Variants in UST observed in about 807,000 individuals in gnomAD.
The protein encoded by UST is chondroitin sulfate 2-O-sulfotransferase.
In UST, 21 loss-of-function variants were observed where a neutral mutation model predicts 45.6. The ratio of observed to expected loss-of-function variants is 0.46; its 90% CI spans 0.33 to 0.66. The LOEUF (loss-of-function observed/expected upper bound fraction) is 0.66. Among genes scored for constraint, UST ranks in the 30% least tolerant of loss-of-function variants. UST has a pLI of 0.02. For missense variants in UST, 463 were observed against 512.4 expected (o/e 0.90, Z 0.93); for synonymous variants, 215 against 200.6 (o/e 1.07, Z -0.61).
chr6:149,068,527 A>G (rs2115045633), intron 7 of UST, among the ~76,000 whole-genome samples: 1 of 152,350 alleles, frequency 6.6e-6, no homozygotes, highest in South Asian at 2.1e-4. Context: ...GACTGTCACC[A>G]TCTCGCACCA....
intron 1 of UST, among the ~76,000 whole-genome samples, chr6:148,864,372 G>C (rs2114805172): frequency 6.6e-6 from 1 of 152,356 alleles, no homozygotes; most frequent in Non-Finnish European, 1.5e-5. Context: ...ATTAGGGTGG[G>C]AGTGACCTGA....
At chr6:148,923,721 A>G (rs1364793461) in intron 2 of UST, among the ~76,000 whole-genome samples, 7 of 152,208 alleles carry the variant, frequency 4.6e-5, no homozygotes, top group Admixed American at 4.6e-4. Context: ...CACCTGACCC[A>G]GGATGAGGGA....
Position 148,815,092 on chromosome 6 carries a change from T to C in UST, c.247+67415T>C, listed in dbSNP as rs976970881. On this transcript the variant is annotated intron_variant, in intron 1 of 7. Coordinates refer to ENST00000367463, the MANE Select transcript of UST (RefSeq NM_005715.3). Reference sequence around the variant, plus strand: ...CACACAATGGAATACTATGCAGCTATAAACAAGATGCACCAATATGGAATG... The same window carrying C: ...CACACAATGGAATACTATGCAGCTACAAACAAGATGCACCAATATGGAATG... 1.7e-4 allele frequency among the ~76,000 whole-genome samples: 26 copies of C among 152,228 alleles called. 4 individuals carry two copies. The highest frequency in any genetic ancestry group is 1.5e-3 in the Admixed American group (23 of 15,288).
intron 3 of UST, 92 bp from the exon 4 acceptor site, chr6:148,953,771 CAAAAAAAAA>C: frequency 3.8e-6 from 1 of 261,884 alleles, no homozygotes; most frequent in Non-Finnish European, 6.1e-6. Flanking sequence ...GACTCCATCT[CAAAAAAAAA>C]AAAAAAAAAA....
rs114559089 is a variant in UST at position 148,851,042 on chromosome 6, T to C, written c.248-35944T>C. Among the ~76,000 whole-genome samples, 441 of 152,280 alleles carry C rather than the reference T, an allele frequency of 2.9e-3. 2 individuals carry two copies. The highest frequency in any genetic ancestry group is 0.01 in the African/African-American group (432 of 41,562). ...TGTGCCATTCCAGAACTCACCCTTG[T>C]GAAGCTGATGGCTCAGGGCTTCCTG... On this transcript the variant is annotated intron_variant, in intron 1 of 7. Coordinates refer to ENST00000367463, the MANE Select transcript of UST (RefSeq NM_005715.3).
At chr6:148,967,812 C>T (rs1027823157) in intron 5 of UST, among the ~76,000 whole-genome samples, 17 of 152,222 alleles carry the variant, frequency 1.1e-4, no homozygotes, top group Admixed American at 9.8e-4. Context: ...TGCCAAAATT[C>T]GGGCAGTTCT....
At chr6:148,880,052 T>A (rs1188848708) in intron 1 of UST, among the ~76,000 whole-genome samples, 1 of 151,904 alleles carries the variant, frequency 6.6e-6, no homozygotes, top group Non-Finnish European at 1.5e-5. Context: ...CCTCCTGGAT[T>A]CAAGTAATTC....
chr6:148,795,803 A>G (rs887255610), intron 1 of UST, among the ~76,000 whole-genome samples: 3 of 152,202 alleles, frequency 2.0e-5, no homozygotes, highest in African/African-American at 7.2e-5. Flanking sequence ...GATAAATGTT[A>G]ATGTAATAAT....
At chr6:148,809,388 A>T (rs1237217925) in intron 1 of UST, among the ~76,000 whole-genome samples, 1 of 151,784 alleles carries the variant, frequency 6.6e-6, no homozygotes, top group Non-Finnish European at 1.5e-5. Flanking sequence ...GTCAAAGCTG[A>T]AACAGTGCTT....
intron 2 of UST, among the ~76,000 whole-genome samples, chr6:148,909,455 T>G (rs1779433841): frequency 6.6e-6 from 1 of 152,230 alleles, no homozygotes; most frequent in African/African-American, 2.4e-5. Context: ...TTAATATTCT[T>G]CCACATATAT....
intron 7 of UST, among the ~76,000 whole-genome samples, chr6:149,029,665 A>C (rs1776110542): frequency 6.6e-6 from 1 of 151,910 alleles, no homozygotes; most frequent in African/African-American, 2.4e-5. Context: ...GGAAACTCCC[A>C]AGTATACAAT....
intron 5 of UST, among the ~76,000 whole-genome samples, chr6:149,016,678 C>T (rs954744965): frequency 3.3e-5 from 5 of 152,182 alleles, no homozygotes; most frequent in Admixed American, 6.5e-5. Context: ...GAGGCTCTGG[C>T]GGTCTCTGAT....
intron 2 of UST, 43 bp downstream of exon 2, chr6:148,887,072 C>T (rs558304406): frequency 6.6e-7 from 1 of 1,512,814 alleles, no homozygotes; most frequent in Non-Finnish European, 9.2e-7. Flanking sequence ...TTTCTTTTAT[C>T]TTACTTACAG....
At chr6:148,984,127 T>C (rs1328388739) in intron 5 of UST, among the ~76,000 whole-genome samples, 1 of 152,238 alleles carries the variant, frequency 6.6e-6, no homozygotes, top group East Asian at 1.9e-4. Context: ...TTAGACTACT[T>C]ATATTCAGAT....
chr6:148,854,647 A>T (rs1778168166), intron 1 of UST, among the ~76,000 whole-genome samples: 2 of 152,096 alleles, frequency 1.3e-5, no homozygotes, highest in Non-Finnish European at 2.9e-5. Flanking sequence ...TGGAATAAAA[A>T]TATCAGGTGG....
chr6:148,825,149 G>C (rs1316121257), intron 1 of UST, among the ~76,000 whole-genome samples: 2 of 152,150 alleles, frequency 1.3e-5, no homozygotes, highest in East Asian at 3.9e-4. Context: ...GAGGTGGGGT[G>C]ACACATCCCC....
chr6:148,941,740 A>G (rs1454182125), intron 3 of UST, among the ~76,000 whole-genome samples: 1 of 152,256 alleles, frequency 6.6e-6, no homozygotes, highest in African/African-American at 2.4e-5. Context: ...CCACCGAGCT[A>G]TAAATAATGC....
chr6:148,947,222 G>T (rs1017483340), intron 3 of UST, among the ~76,000 whole-genome samples: 1 of 152,074 alleles, frequency 6.6e-6, no homozygotes. Context: ...TTAAATTTTT[G>T]CAATCAGACC....
chr6:148,891,466 A>G (rs1779017914), intron 2 of UST, among the ~76,000 whole-genome samples: 1 of 152,248 alleles, frequency 6.6e-6, no homozygotes, highest in South Asian at 2.1e-4. Context: ...CTTTGCATGC[A>G]AAATTTAATC....
Sources: gnomAD v4.1 joint callset for allele counts (sites outside exome capture counted in the v4.1 genomes callset) on GRCh38, gnomAD v4.1.1 for gene constraint, MANE v1.5 for transcripts, NCBI Gene and HGNC (gene_info 2026-07-23, HGNC 2026-07-21) for gene names.